Variants in JMJD1C observed in about 807,000 individuals in gnomAD.
The protein encoded by JMJD1C is jumonji domain-containing protein 1C.
In JMJD1C, 31 loss-of-function variants were observed where a neutral mutation model predicts 245.3. The ratio of observed to expected loss-of-function variants is 0.13; its 90% CI spans 0.09 to 0.17. JMJD1C has a LOEUF of 0.17. JMJD1C is among the 10% of genes least tolerant of loss of function. The pLI is 1.00. For missense variants in JMJD1C, 2,691 were observed against 3,000.2 expected (o/e 0.90, Z 2.41); for synonymous variants, 1,057 against 1,017.4 (o/e 1.04, Z -0.74).
chr10:63,171,684 C>G (rs1842381794), intron 24 of JMJD1C, among the ~76,000 whole-genome samples: 1 of 151,640 alleles, frequency 6.6e-6, no homozygotes. Flanking sequence ...CAGGTCCCTC[C>G]CCAGACCCAT....
chr10:63,241,465 A>G (rs541164493), intron 3 of JMJD1C, among the ~76,000 whole-genome samples: 1 of 152,330 alleles, frequency 6.6e-6, no homozygotes, highest in East Asian at 1.9e-4. Context: ...ATATAAGGGA[A>G]AAAGTTTTAT....
At chr10:63,373,761 G>C (rs1202433071) in intron 2 of JMJD1C, among the ~76,000 whole-genome samples, 1 of 152,106 alleles carries the variant, frequency 6.6e-6, no homozygotes, top group East Asian at 1.9e-4. Context: ...TGTAGATATA[G>C]TATTTCATTA....
In JMJD1C at chr10:63,217,242, GATC is replaced by G; in HGVS notation, c.640_642del (p.Asp214del). 1.9e-6 allele frequency: 3 copies of G among 1,612,118 alleles called. No individual in the cohort carries two copies. The highest frequency in any genetic ancestry group is 2.5e-6 in the Non-Finnish European group (3 of 1,178,730). On this transcript the variant is annotated inframe_deletion, in exon 5 of 26. Transcript: ENST00000399262. ...ATAACGATCATGGTGCGGGTGAAGAGATCATGATGAGTAATTATGCCAGTAAAC... is the reference window on the plus strand; with the variant it reads ...ATAACGATCATGGTGCGGGTGAAGAGATGATGAGTAATTATGCCAGTAAAC...
intron 1 of JMJD1C, among the ~76,000 whole-genome samples, chr10:63,423,701 T>C (rs140997308): frequency 2.8e-3 from 431 of 152,338 alleles, no homozygotes; most frequent in Non-Finnish European, 4.0e-3. Flanking sequence ...CATGTTTAGC[T>C]TTTCGAGGAA....
Position 63,183,439 on chromosome 10 carries a change from A to G in JMJD1C, c.7084+8T>C. ...TATTTCAAAGACTACTTATTCTTTT[A>G]AGTTTACCTGCTTTTGAGAGAATGC... On this transcript the variant is annotated splice_region_variant and intron_variant, in intron 22 of 25. Coordinates refer to ENST00000399262, the MANE Select transcript of JMJD1C (RefSeq NM_032776.3). The G allele has an allele frequency of 5.6e-6, 9 of 1,604,038 alleles. No homozygotes were observed. Among genetic ancestry groups the G allele is most frequent in the Non-Finnish European group, 7.7e-6 (9 of 1,175,166 alleles).
chr10:63,323,031 T>C lies in JMJD1C; in HGVS notation c.333+57287A>G, dbSNP rs563510499. Among the ~76,000 whole-genome samples, 6 of 151,860 alleles carry C rather than the reference T, an allele frequency of 4.0e-5. No homozygotes were observed. The South Asian group carries it at 1.2e-3, about 32-fold the overall frequency. On this transcript the variant is annotated intron_variant, in intron 2 of 25. Coordinates refer to ENST00000399262, the MANE Select transcript of JMJD1C (RefSeq NM_032776.3). The stretch of plus-strand genomic sequence containing the variant: ...CATACATAGATCTATATATGAAAAT[T>C]AGATAATGTTGAACAAAAAGTAGAG...
intron 1 of JMJD1C, among the ~76,000 whole-genome samples, chr10:63,464,129 A>G (rs1953007968): frequency 6.6e-6 from 1 of 152,212 alleles, no homozygotes; most frequent in African/African-American, 2.4e-5. Context: ...CATAATTTTT[A>G]GAACCACTAA....
chr10:63,318,606 C>T (rs1187968560), intron 2 of JMJD1C, among the ~76,000 whole-genome samples: 1 of 151,988 alleles, frequency 6.6e-6, no homozygotes, highest in Non-Finnish European at 1.5e-5. Context: ...AATAACATGT[C>T]CAGAACTCTT....
intron 2 of JMJD1C, among the ~76,000 whole-genome samples, chr10:63,334,476 C>T (rs1195980611): frequency 6.6e-6 from 1 of 152,094 alleles, no homozygotes; most frequent in African/African-American, 2.4e-5. Flanking sequence ...CCACCAAATA[C>T]TTTGGGAGGT....
intron 1 of JMJD1C, among the ~76,000 whole-genome samples, chr10:63,510,409 TTTTGA>T (rs770847288): frequency 3.9e-5 from 6 of 152,236 alleles, no homozygotes; most frequent in Non-Finnish European, 8.8e-5. Flanking sequence ...TGTATTTTCA[TTTTGA>T]TTTATTTCAA....
chr10:63,341,545 C>T (rs1943380064), intron 2 of JMJD1C, among the ~76,000 whole-genome samples: 1 of 152,176 alleles, frequency 6.6e-6, no homozygotes, highest in South Asian at 2.1e-4. Flanking sequence ...CTTACCAGCC[C>T]ATATTAAGCT....
At chr10:63,478,743 G>A (rs1953737534) in intron 1 of JMJD1C, among the ~76,000 whole-genome samples, 1 of 152,132 alleles carries the variant, frequency 6.6e-6, no homozygotes, top group East Asian at 1.9e-4. Flanking sequence ...AAGCTCACCT[G>A]AGGCTTAGTA....
chr10:63,355,307 C>G (rs761296230), intron 2 of JMJD1C, among the ~76,000 whole-genome samples: 1 of 152,116 alleles, frequency 6.6e-6, no homozygotes, highest in Non-Finnish European at 1.5e-5. Flanking sequence ...ATTTCAAAAC[C>G]AAGAAACTGA....
Position 63,213,457 on chromosome 10 carries a change from C to A in JMJD1C, c.2694+16G>T, listed in dbSNP as rs1401103621. ...TTAATATATACTGCTATGTGGCAAA[C>A]TACAGTGTAACTTACCCTCCTTAAT... On this transcript the variant is annotated intron_variant, in intron 8 of 25. Transcript: ENST00000399262. 5 of 1,477,376 alleles carry A rather than the reference C, an allele frequency of 3.4e-6. No individual in the cohort carries two copies. The highest frequency in any genetic ancestry group is 1.2e-5 in the South Asian group (1 of 83,148). 91.5% of individuals were successfully genotyped at this position (1,477,376 alleles called of 1,614,324 possible). A position where few individuals can be genotyped will look rare whatever the true frequency, so the allele number is the denominator to read the frequency against.
At position 63,206,837 on chromosome 10, in the gene JMJD1C, T is replaced by C. The variant is rs777206872; in HGVS notation, c.4832A>G (p.Asp1611Gly). 1.8e-5 allele frequency: 29 copies of C among 1,600,172 alleles called. No individual in the cohort carries two copies. The highest frequency in any genetic ancestry group is 2.1e-5 in the Non-Finnish European group (25 of 1,175,870). Reference sequence around the variant, plus strand: ...TTTGGCTTTTCTCCTGTTGACTTTATCATCTTTTACATATTTATCAACTAT... The same window carrying C: ...TTTGGCTTTTCTCCTGTTGACTTTACCATCTTTTACATATTTATCAACTAT... Reference protein sequence around the residue: ...KIIVDKYVKDDKVNRRKAKRT... With the variant: ...KIIVDKYVKDGKVNRRKAKRT... The change falls in exon 10 of 26, where the codon GAT (aspartate) becomes GGT (glycine). Residue 1611 changes from aspartate (D) to glycine (G), a missense_variant. By Grantham distance (94) the Asp-to-Gly change is moderately conservative. Transcript: ENST00000399262.
At chr10:63,521,127 G>A (rs1955207948) in intron 1 of JMJD1C, among the ~76,000 whole-genome samples, 1 of 152,154 alleles carries the variant, frequency 6.6e-6, no homozygotes, top group South Asian at 2.1e-4. Flanking sequence ...GAGTGTGGGC[G>A]TCCCAAAGAG....
At chr10:63,354,857 CAA>C (rs148651978) in intron 2 of JMJD1C, among the ~76,000 whole-genome samples, 13 of 94,924 alleles carry the variant, frequency 1.4e-4, no homozygotes, top group Non-Finnish European at 1.4e-4. Flanking sequence ...TCTACTTTAA[CAA>C]AAAAAAAAAA....
chr10:63,291,391 C>A (rs187827710), intron 2 of JMJD1C, among the ~76,000 whole-genome samples: 1 of 148,082 alleles, frequency 6.8e-6, no homozygotes, highest in Non-Finnish European at 1.5e-5. Flanking sequence ...CCAAGGTGGG[C>A]GGATCACAAG....
chr10:63,262,468 C>T (rs1473792357), intron 3 of JMJD1C, among the ~76,000 whole-genome samples: 1 of 152,010 alleles, frequency 6.6e-6, no homozygotes, highest in East Asian at 1.9e-4. Flanking sequence ...AAAACCCTAA[C>T]TATAAAAAAT....
Sources: allele counts gnomAD v4.1 joint callset (sites outside exome capture counted in the v4.1 genomes callset), GRCh38; gene constraint gnomAD v4.1.1; transcripts MANE v1.5; gene names NCBI Gene and HGNC (gene_info 2026-07-23, HGNC 2026-07-21).